NUP42: variants seen among roughly 807,000 people sequenced by gnomAD.
The protein encoded by NUP42 is nucleoporin 42.
A neutral mutation model predicts 35.9 loss-of-function variants in NUP42; 47 were observed. That is an observed-to-expected ratio of 1.31 (90% CI 1.04 to 1.67). The LOEUF (loss-of-function observed/expected upper bound fraction) is 1.67. Among genes scored for constraint, NUP42 ranks in the 40% most tolerant of loss-of-function variants. NUP42 has a pLI of 0.00. For synonymous variants in NUP42, 173 were observed against 173.3 expected, an observed-to-expected ratio of 1.00 and a Z score of 0.01; for missense variants, 514 against 492.2, an observed-to-expected ratio of 1.04 and a Z score of -0.42.
At chr7:23,196,583 TTTGTGA>T in intron 4 of NUP42, 91 bp from the exon 5 acceptor site, 1 of 876,914 alleles carries the variant, frequency 1.1e-6, no homozygotes, top group Non-Finnish European at 1.8e-6. Context: ...ACATAAACCT[TTTGTGA>T]TTTTGGCAAA....
At position 23,182,063 on chromosome 7, in the gene NUP42, C is replaced by T. The variant is rs1225532407; in HGVS notation, c.-23C>T. 6 of 1,612,642 alleles carry T rather than the reference C, an allele frequency of 3.7e-6. No individual in the cohort carries two copies. Among genetic ancestry groups the T allele is most frequent in the Middle Eastern group, 1.6e-4 (1 of 6,084 alleles). ...ATCGAACGGTGCAGACTGAAGACGCCCTCCGTCAGCGACGCCGTCGCAATG... is the reference window on the plus strand; with the variant it reads ...ATCGAACGGTGCAGACTGAAGACGCTCTCCGTCAGCGACGCCGTCGCAATG... On this transcript the variant is annotated 5_prime_UTR_variant, in exon 1 of 7. Transcript: ENST00000258742.
At chr7:23,186,839 T>G (rs1011135545) in intron 2 of NUP42, among the ~76,000 whole-genome samples, 1 of 152,174 alleles carries the variant, frequency 6.6e-6, no homozygotes, top group Admixed American at 6.5e-5. Flanking sequence ...AAAGCCAAAC[T>G]CATTAACTTC....
At chr7:23,186,512 C>G (rs541614191) in intron 2 of NUP42, among the ~76,000 whole-genome samples, 20 of 152,260 alleles carry the variant, frequency 1.3e-4, no homozygotes, top group African/African-American at 4.6e-4. Flanking sequence ...TCTGTTTCCC[C>G]TGTTGCAAAA....
intron 3 of NUP42, among the ~76,000 whole-genome samples, chr7:23,193,899 G>A (rs1785909627): frequency 6.6e-6 from 1 of 152,264 alleles, no homozygotes; most frequent in Non-Finnish European, 1.5e-5. Flanking sequence ...GCTAAGACCC[G>A]GCAAGAAATC....
In NUP42 at chr7:23,200,444, C is replaced by T. The variant is rs1786177479; in HGVS notation, c.971C>T (p.Ala324Val). 1.2e-6 allele frequency: 2 copies of T among 1,614,218 alleles called. No individual in the cohort carries two copies. Among genetic ancestry groups the T allele is most frequent in the East Asian group, 4.5e-5 (2 of 44,890 alleles). The change falls in exon 7 of 7, where the codon GCA becomes GTA. Residue 324 changes from alanine to valine, a missense_variant. By Grantham distance (64) the Ala-to-Val change is moderately conservative. Transcript: ENST00000258742. ...PGFSGLPASL[A>V]TGPVRAPVAP... Reference sequence around the variant, plus strand: ...TTTTCAGGACTTCCAGCTTCCTTGGCAACAGGTCCTGTCAGAGCTCCAGTG... The same window carrying T: ...TTTTCAGGACTTCCAGCTTCCTTGGTAACAGGTCCTGTCAGAGCTCCAGTG...
At chr7:23,195,458 C>A (rs1785980176) in intron 3 of NUP42, 1 of 159,498 alleles carries the variant, frequency 6.3e-6, no homozygotes, top group African/African-American at 2.4e-5. Flanking sequence ...ATTAGTTCTT[C>A]TCTTGTCATA....
At position 23,199,554 on chromosome 7, in the gene NUP42, A is replaced by G; in HGVS notation, c.694+12A>G. 6.2e-7 allele frequency: 1 copy of G among 1,603,564 alleles called. No homozygotes were observed. The highest frequency in any genetic ancestry group is 1.7e-5 in the Admixed American group (1 of 60,000). On this transcript the variant is annotated intron_variant, in intron 6 of 6. Coordinates refer to ENST00000258742, the MANE Select transcript of NUP42 (RefSeq NM_007342.3). ...ATTTATGTCGCCAGGTAAGTGATAA[A>G]GTAATGCAGGACTTCACTGATTTAG...
Position 23,200,728 on chromosome 7 carries a change from G to T in NUP42, c.1255G>T (p.Glu419Ter). The change falls in exon 7 of 7, where the codon GAA (glutamate) becomes TAA (stop). Residue 419 changes from glutamate (E) to a stop codon, truncating the protein, a stop_gained. Transcript: ENST00000258742. LOFTEE classifies it high-confidence loss of function. ...GKIPLKPPPL[E>*]LLNV ...AATTCCATTAAAGCCTCCACCTCTG[G>T]AACTTCTAAATGTTTAAAAGGGCAA... The T allele has an allele frequency of 6.3e-7, 1 of 1,584,432 alleles. No homozygotes were observed. The highest frequency in any genetic ancestry group is 1.2e-5 in the South Asian group (1 of 85,906).
rs1036400533 is a variant in NUP42, at chr7:23,185,070, G to A, written c.122G>A (p.Gly41Asp). ...GRQQPQQQPS[G>D]NNRRGWNTTS... Reference sequence around the variant, plus strand: ...TATTTTGTTTTATTGTTTATTTTAGGTAATAATAGACGTGGATGGAATACA... The same window carrying A: ...TATTTTGTTTTATTGTTTATTTTAGATAATAATAGACGTGGATGGAATACA... Residue 41 changes from glycine to aspartate, a missense_variant and splice_region_variant, in exon 2 of 7, where the codon GGT (glycine) becomes GAT (aspartate). Gly to Asp is a moderately conservative substitution (Grantham distance 94). Coordinates refer to ENST00000258742, the MANE Select transcript of NUP42 (RefSeq NM_007342.3). 6 of 1,602,350 alleles carry A rather than the reference G, an allele frequency of 3.7e-6. No homozygotes were observed. In the African/African-American group the frequency reaches 8.1e-5, roughly 22 times the overall value.
chr7:23,187,027 CT>C (rs367957893), intron 2 of NUP42, 24 bp from the exon 3 acceptor site: 148,806 of 1,035,940 alleles, frequency 0.14, 61 homozygotes, highest in South Asian at 0.16. Flanking sequence ...ATCCTTTACT[CT>C]TTTTTTTTTT....
chr7:23,196,093 A>C (rs1786002950), intron 4 of NUP42, 178 bp downstream of exon 4: 1 of 346,480 alleles, frequency 2.9e-6, no homozygotes, highest in African/African-American at 2.1e-5. Flanking sequence ...AAATGATAAT[A>C]TATTTTTACT....
In NUP42 at chr7:23,200,893, C is replaced by T. The variant is rs2128475490; in HGVS notation, c.*148C>T. ...TTTAAATTTGATTTTTTTCTTAACT[C>T]TAAATATTTAAGTAAAAAGTAACAA... On this transcript the variant is annotated 3_prime_UTR_variant, in exon 7 of 7. Coordinates refer to ENST00000258742, the MANE Select transcript of NUP42 (RefSeq NM_007342.3). 2.2e-6 allele frequency: 1 copy of T among 453,852 alleles called. No homozygotes were observed. Among genetic ancestry groups the T allele is most frequent in the South Asian group, 9.4e-5 (1 of 10,662 alleles). 28.1% of individuals were successfully genotyped at this position (453,852 alleles called of 1,614,324 possible).
rs77508599 is a variant in NUP42 at position 23,200,205 on chromosome 7, G to C, written c.732G>C (p.Gln244His). The part of the protein sequence containing the change: ...PVNNSSSDNA[Q>H]NFSFKTNSGF... ...ATAACAGCAGCAGTGATAATGCTCAGAACTTTAGTTTTAAAACAAACTCTG... is the reference window on the plus strand; with the variant it reads ...ATAACAGCAGCAGTGATAATGCTCACAACTTTAGTTTTAAAACAAACTCTG... Residue 244 changes from glutamine (Q) to histidine (H), a missense_variant, in exon 7 of 7, where the codon CAG becomes CAC. Gln to His is a conservative substitution (Grantham distance 24). Coordinates refer to ENST00000258742, the MANE Select transcript of NUP42 (RefSeq NM_007342.3). 4.4e-6 allele frequency: 7 copies of C among 1,602,560 alleles called. No individual in the cohort carries two copies. The highest frequency in any genetic ancestry group is 6.0e-6 in the Non-Finnish European group (7 of 1,173,130).
chr7:23,191,884 C>G (rs1330590954), intron 3 of NUP42, among the ~76,000 whole-genome samples: 1 of 152,106 alleles, frequency 6.6e-6, no homozygotes, highest in East Asian at 1.9e-4. Context: ...GGGAGGATCA[C>G]TGGAGCCTAG....
intron 5 of NUP42, 87 bp from the exon 6 acceptor site, chr7:23,199,371 A>T (rs1420006906): frequency 8.8e-7 from 1 of 1,139,114 alleles, no homozygotes; most frequent in Non-Finnish European, 1.3e-6. Flanking sequence ...CATTTTAAAA[A>T]CTTGAATTTG....
chr7:23,186,533 A>G (rs1397132847), intron 2 of NUP42, among the ~76,000 whole-genome samples: 1 of 152,254 alleles, frequency 6.6e-6, no homozygotes, highest in Non-Finnish European at 1.5e-5. Flanking sequence ...TGTGAGAATT[A>G]GATAAAATGA....
At chr7:23,191,906 G>A (rs548344450) in intron 3 of NUP42, among the ~76,000 whole-genome samples, 9 of 152,218 alleles carry the variant, frequency 5.9e-5, no homozygotes, top group East Asian at 3.9e-4. Flanking sequence ...AAGTCAAGGC[G>A]GCAGTGAGCC....
chr7:23,187,170 TA>T, intron 3 of NUP42, 24 bp downstream of exon 3: 1 of 1,466,426 alleles, frequency 6.8e-7, no homozygotes. Flanking sequence ...TGTGCATTTT[TA>T]AAGTATGTTC....
chr7:23,197,116 G>C, intron 5 of NUP42: 1 of 776,488 alleles, frequency 1.3e-6, no homozygotes. Context: ...TGCACATTTA[G>C]AATGTAATGT....
Sources: allele counts gnomAD v4.1 joint callset (sites outside exome capture counted in the v4.1 genomes callset), GRCh38; gene constraint gnomAD v4.1.1; transcripts MANE v1.5; gene names NCBI Gene and HGNC (gene_info 2026-07-23, HGNC 2026-07-21).